Variants in STK32B observed in about 807,000 individuals in gnomAD.
The protein encoded by STK32B is serine/threonine-protein kinase 32B.
A neutral mutation model predicts 52.6 loss-of-function variants in STK32B; 43 were observed. That is an observed-to-expected ratio of 0.82 (90% confidence interval 0.64 to 1.05). The LOEUF (loss-of-function observed/expected upper bound fraction) is 1.05. STK32B is among the 50% of genes least tolerant of loss of function. STK32B has a pLI of 0.00. For synonymous variants in STK32B, 238 were observed against 204.3 expected (o/e 1.17, Z -1.41); for missense variants, 621 against 534.6 (o/e 1.16, Z -1.59).
At chr4:5,133,591 G>A (rs1715900631) in intron 1 of STK32B, among the ~76,000 whole-genome samples, 1 of 152,168 alleles carries the variant, frequency 6.6e-6, no homozygotes, top group Non-Finnish European at 1.5e-5. Flanking sequence ...TGGTTACCTG[G>A]ATTATTTCTG....
chr4:5,118,819 G>C (rs1714874157), intron 1 of STK32B, among the ~76,000 whole-genome samples: 1 of 152,158 alleles, frequency 6.6e-6, no homozygotes. Context: ...ATTATGGCAA[G>C]TACCTGTTCA....
intron 1 of STK32B, among the ~76,000 whole-genome samples, chr4:5,080,737 T>A (rs1290480986): frequency 6.6e-6 from 1 of 152,194 alleles, no homozygotes; most frequent in Non-Finnish European, 1.5e-5. Context: ...ATGATTATCA[T>A]AATCATATTA....
intron 11 of STK32B, among the ~76,000 whole-genome samples, chr4:5,468,332 C>T (rs763296934): frequency 7.2e-5 from 11 of 152,174 alleles, no homozygotes; most frequent in African/African-American, 1.4e-4. Context: ...CAGCCCTGAG[C>T]GGGCACACAG....
At chr4:5,492,139 G>T (rs1719788676) in intron 11 of STK32B, among the ~76,000 whole-genome samples, 1 of 152,102 alleles carries the variant, frequency 6.6e-6, no homozygotes, top group Non-Finnish European at 1.5e-5. Flanking sequence ...GCTTGATGGG[G>T]ATGGCATTGA....
intron 3 of STK32B, among the ~76,000 whole-genome samples, chr4:5,283,501 C>A (rs1282633227): frequency 6.6e-6 from 1 of 152,002 alleles, no homozygotes; most frequent in African/African-American, 2.4e-5. Flanking sequence ...TCAGAGGTTG[C>A]CAGTCAAATT....
the STK32B span, among the ~76,000 whole-genome samples, chr4:5,026,141 G>T: frequency 6.6e-6 from 1 of 152,204 alleles, no homozygotes. Context: ...TTCTTCTTGT[G>T]ATCTAATATT....
intron 4 of STK32B, among the ~76,000 whole-genome samples, chr4:5,370,712 G>A (rs1488851925): frequency 1.3e-5 from 2 of 152,222 alleles, no homozygotes; most frequent in Admixed American, 6.5e-5. Context: ...TATTCTGACA[G>A]CCGGGCATAG....
chr4:5,334,258 T>G (rs1430210487), intron 4 of STK32B, among the ~76,000 whole-genome samples: 18 of 152,050 alleles, frequency 1.2e-4, no homozygotes, highest in African/African-American at 3.9e-4. Flanking sequence ...GGGAATTCAC[T>G]CATGATTTGG....
the STK32B span, among the ~76,000 whole-genome samples, chr4:5,043,223 G>A: frequency 6.6e-6 from 1 of 150,510 alleles, no homozygotes; most frequent in Admixed American, 6.6e-5. Flanking sequence ...TTTTCTTTTA[G>A]TAGCAGGCTT....
chr4:5,331,407 T>C lies in STK32B; in HGVS notation c.434+14T>C, dbSNP rs1732241896. On this transcript the variant is annotated intron_variant, in intron 4 of 11. Transcript: ENST00000282908. The stretch of plus-strand genomic sequence containing the variant: ...CATCATCCACAGGTAACTGGGCTGC[T>C]GGCGGGATGCCTGGGACAGAGGGAC... 6.2e-7 allele frequency: 1 copy of C among 1,600,246 alleles called. No individual in the cohort carries two copies. The highest frequency in any genetic ancestry group is 8.5e-7 in the Non-Finnish European group (1 of 1,171,796).
At chr4:5,269,232 T>C (rs564095889) in intron 3 of STK32B, among the ~76,000 whole-genome samples, 4 of 152,238 alleles carry the variant, frequency 2.6e-5, no homozygotes, top group East Asian at 1.9e-4. Context: ...TAAGTGATGC[T>C]CACACAGGGC....
intron 3 of STK32B, among the ~76,000 whole-genome samples, chr4:5,187,581 G>A (rs184189508): frequency 6.6e-6 from 1 of 150,528 alleles, no homozygotes; most frequent in East Asian, 2.0e-4. Flanking sequence ...CAGCTCTCCA[G>A]GATGGGGTGT....
chr4:5,165,683 C>A (rs778584163), intron 2 of STK32B, among the ~76,000 whole-genome samples: 13 of 152,150 alleles, frequency 8.5e-5, no homozygotes, highest in Non-Finnish European at 4.4e-5. Context: ...GGTGCCCGGG[C>A]CTCCAGAAGT....
rs553029123 is a variant in STK32B at position 5,451,710 on chromosome 4, T to G, written c.666+4934T>G. Reference sequence around the variant, plus strand: ...TTGTTAGGATGTCCAGCAATATCACTGGCCTCCACCCATCAGATGCCAGCA... The same window carrying G: ...TTGTTAGGATGTCCAGCAATATCACGGGCCTCCACCCATCAGATGCCAGCA... On this transcript the variant is annotated intron_variant, in intron 7 of 11. Coordinates refer to ENST00000282908, the MANE Select transcript of STK32B (RefSeq NM_018401.3). Among the ~76,000 whole-genome samples the G allele has an allele frequency of 2.0e-5, 3 of 152,304 alleles. No homozygotes were observed. In the South Asian group the frequency reaches 6.2e-4, roughly 32 times the overall value.
intron 2 of STK32B, among the ~76,000 whole-genome samples, chr4:5,162,128 T>G (rs1019347085): frequency 6.6e-6 from 1 of 152,190 alleles, no homozygotes; most frequent in Non-Finnish European, 1.5e-5. Context: ...CCCATAGTCC[T>G]GAGGTTCCAG....
At chr4:5,178,085 C>T (rs1195643980) in intron 3 of STK32B, among the ~76,000 whole-genome samples, 3 of 152,244 alleles carry the variant, frequency 2.0e-5, no homozygotes, top group Non-Finnish European at 2.9e-5. Flanking sequence ...CCACATTTCC[C>T]TTCTGCATTG....
At chr4:5,213,866 G>GAGATTAA (rs1723039766) in intron 3 of STK32B, among the ~76,000 whole-genome samples, 1 of 152,182 alleles carries the variant, frequency 6.6e-6, no homozygotes, top group African/African-American at 2.4e-5. Context: ...ATGTTTCAAT[G>GAGATTAA]AGATTAAATT....
intron 3 of STK32B, among the ~76,000 whole-genome samples, chr4:5,321,323 G>A (rs1284990528): frequency 2.6e-5 from 4 of 152,194 alleles, no homozygotes; most frequent in African/African-American, 4.8e-5. Context: ...CTTAGCATAT[G>A]TGAGTTATCA....
chr4:5,317,829 C>G (rs1577340865), intron 3 of STK32B, among the ~76,000 whole-genome samples: 1 of 152,060 alleles, frequency 6.6e-6, no homozygotes, highest in East Asian at 1.9e-4. Flanking sequence ...AGGCATTCAT[C>G]TAAGTGTTTT....
Sources: allele counts gnomAD v4.1 joint callset (sites outside exome capture counted in the v4.1 genomes callset), GRCh38; gene constraint gnomAD v4.1.1; transcripts MANE v1.5; gene names NCBI Gene and HGNC (gene_info 2026-07-23, HGNC 2026-07-21).